TTC21A: variants seen among roughly 807,000 people sequenced by gnomAD.
TTC21A encodes tetratricopeptide repeat protein 21A.
TTC21A carries 128 observed loss-of-function variants against 156.4 expected under a neutral mutation model. That is an observed-to-expected ratio of 0.82 (90% CI 0.71 to 0.95). TTC21A has a LOEUF of 0.95. Among genes scored for constraint, TTC21A ranks in the 40% least tolerant of loss-of-function variants. The pLI is 0.00. For synonymous variants in TTC21A, 587 were observed against 617.1 expected (o/e 0.95, Z 0.72); for missense variants, 1,435 against 1,602.3 (o/e 0.90, Z 1.78).
Position 39,108,079 on chromosome 3 carries a change from A to G in TTC21A, c.27+215A>G, listed in dbSNP as rs144114965. ...AATTAGCATCCCCGTTTCTTGAGCT[A>G]CCCCAAACCAGCTCATCCAATCACT... On this transcript the variant is annotated intron_variant, in intron 1 of 28. Transcript: ENST00000683103. 1.9e-4 allele frequency: 114 copies of G among 596,924 alleles called. No individual in the cohort carries two copies. In the African/African-American group the frequency reaches 2.0e-3, roughly 10 times the overall value. 37.0% of individuals were successfully genotyped at this position (596,924 alleles called of 1,614,324 possible).
intron 11 of TTC21A, among the ~76,000 whole-genome samples, chr3:39,125,743 A>C (rs1453344163): frequency 6.6e-6 from 1 of 152,174 alleles, no homozygotes; most frequent in African/African-American, 2.4e-5. Context: ...CTGACTCTAC[A>C]GGGGGGTCTA....
In TTC21A at chr3:39,137,477, G is replaced by C. The variant is rs1405468165; in HGVS notation, c.3451-9G>C. 3.7e-6 allele frequency: 6 copies of C among 1,613,924 alleles called. No homozygotes were observed. In the Middle Eastern group the frequency reaches 8.2e-4, roughly 222 times the overall value. On this transcript the variant is annotated splice_polypyrimidine_tract_variant and intron_variant, in intron 25 of 28. Coordinates refer to ENST00000683103, the MANE Select transcript of TTC21A (RefSeq NM_001366900.1). ...ACGTGCTGACGTCCACTTCCTACCTGGTGTGTAGAAGGACAGCGTCCCTGC... is the reference window on the plus strand; with the variant it reads ...ACGTGCTGACGTCCACTTCCTACCTCGTGTGTAGAAGGACAGCGTCCCTGC...
At position 39,130,491 on chromosome 3, in the gene TTC21A, G is replaced by T. The variant is rs1436539835; in HGVS notation, c.2319+133G>T. 1 of 925,466 alleles carries T rather than the reference G, an allele frequency of 1.1e-6. No individual in the cohort carries two copies. The highest frequency in any genetic ancestry group is 1.7e-5 in the African/African-American group (1 of 60,324). The allele number at this position is 925,466 out of a possible 1,614,324, so 57.3% of individuals were successfully genotyped here. A position where few individuals can be genotyped will look rare whatever the true frequency, so the allele number is the denominator to read the frequency against. On this transcript the variant is annotated intron_variant, in intron 17 of 28. Coordinates refer to ENST00000683103, the MANE Select transcript of TTC21A (RefSeq NM_001366900.1). The surrounding 1 kb of genome is among the most constrained non-coding windows in gnomAD (Gnocchi z 4.5). ...TTCACTCAGCTCCTTGCTGAATGGG[G>T]TGCCAAGGGGAGAACTCAGCAACTC...
At position 39,137,555 on chromosome 3, in the gene TTC21A, C is replaced by G; in HGVS notation, c.3520C>G (p.Arg1174Gly). 1 of 1,614,230 alleles carries G rather than the reference C, an allele frequency of 6.2e-7. No individual in the cohort carries two copies. Among genetic ancestry groups the G allele is most frequent in the Non-Finnish European group, 8.5e-7 (1 of 1,180,042 alleles). The change falls in exon 26 of 29, where the codon CGT becomes GGT. Residue 1174 changes from arginine to glycine, a missense_variant. By Grantham distance (125) the Arg-to-Gly change is moderately radical. Transcript: ENST00000683103. ...YVFLKQIPKA[R>G]MQLKRLAKTP... ...GTTCCTGAAGCAGATCCCCAAGGCG[C>G]GTATGCAGTTGAAGCGCCTGGCCAA...
chr3:39,136,533 G>A (rs1399543332), intron 23 of TTC21A, 26 bp downstream of exon 23: 1 of 1,609,604 alleles, frequency 6.2e-7, no homozygotes, highest in Admixed American at 1.7e-5. Context: ...TGTGTTGAGG[G>A]GCAGCTGTGT....
chr3:39,136,750 G>C, intron 23 of TTC21A, 149 bp from the exon 24 acceptor site: 1 of 1,113,084 alleles, frequency 9.0e-7, no homozygotes, highest in Non-Finnish European at 1.3e-6. Flanking sequence ...CCAACACACA[G>C]GTCCGACGCC....
intron 7 of TTC21A, chr3:39,118,621 C>T (rs72859600): frequency 0.025 from 4,018 of 163,884 alleles, 173 homozygotes; most frequent in African/African-American, 0.088. Flanking sequence ...TGGAACTGCT[C>T]AGGCATTGGC....
intron 22 of TTC21A, chr3:39,136,125 C>A: frequency 2.5e-6 from 1 of 400,420 alleles, no homozygotes; most frequent in Non-Finnish European, 4.4e-6. Flanking sequence ...GCACTTAATA[C>A]CAGGTACAAT....
intron 7 of TTC21A, chr3:39,118,422 C>CA (rs2037473200): frequency 1.9e-6 from 1 of 534,524 alleles, no homozygotes; most frequent in South Asian, 2.6e-5. Flanking sequence ...CAGGTGTCCC[C>CA]ACCTGGATAA....
intron 3 of TTC21A, 89 bp downstream of exon 3, chr3:39,110,228 A>C: frequency 1.0e-6 from 1 of 971,668 alleles, no homozygotes; most frequent in Non-Finnish European, 1.6e-6. Context: ...AGGGCTGCCA[A>C]AGGAGGTATG....
At chr3:39,113,068 T>C (rs1189856170) in intron 5 of TTC21A, among the ~76,000 whole-genome samples, 2 of 152,142 alleles carry the variant, frequency 1.3e-5, no homozygotes, top group African/African-American at 4.8e-5. Flanking sequence ...GAATTAATCT[T>C]TGAGAGAAAA....
At chr3:39,138,003 G>T (rs2039263979) in intron 26 of TTC21A, among the ~76,000 whole-genome samples, 1 of 152,178 alleles carries the variant, frequency 6.6e-6, no homozygotes, top group Non-Finnish European at 1.5e-5. Context: ...ACTTTTGCAG[G>T]TCAGAGCAGG....
At position 39,130,453 on chromosome 3, in the gene TTC21A, G is replaced by C; in HGVS notation, c.2319+95G>C. 1 of 1,105,266 alleles carries C rather than the reference G, an allele frequency of 9.0e-7. No homozygotes were observed. Among genetic ancestry groups the C allele is most frequent in the Non-Finnish European group, 1.3e-6 (1 of 774,772 alleles). The allele number at this position is 1,105,266 out of a possible 1,614,324, so 68.5% of individuals were successfully genotyped here. A position where few individuals can be genotyped will look rare whatever the true frequency, so the allele number is the denominator to read the frequency against. On this transcript the variant is annotated intron_variant, in intron 17 of 28. Transcript: ENST00000683103. This position sits in a 1 kb window ranked among gnomAD's most constrained non-coding sequence, Gnocchi z 4.5. ...GACTGGGGAGCTCTGGGTGGGAGGA[G>C]AGTGGCTGACTTTTCACTCAGCTCC... is the stretch of plus-strand genomic sequence containing the variant.
chr3:39,128,305 T>C (rs749553833), intron 12 of TTC21A, 26 bp from the exon 13 acceptor site: 3 of 1,611,752 alleles, frequency 1.9e-6, no homozygotes, highest in East Asian at 2.2e-5. Context: ...GAACCCTGCA[T>C]GTAGAGGTTT....
Position 39,137,484 on chromosome 3 carries a change from A to G in TTC21A, c.3451-2A>G. 6.2e-7 allele frequency: 1 copy of G among 1,614,136 alleles called. No homozygotes were observed. The highest frequency in any genetic ancestry group is 2.2e-5 in the East Asian group (1 of 44,878). ...GACGTCCACTTCCTACCTGGTGTGT[A>G]GAAGGACAGCGTCCCTGCCCTGCTG... On this transcript the variant is annotated splice_acceptor_variant, in intron 25 of 28. Coordinates refer to ENST00000683103, the MANE Select transcript of TTC21A (RefSeq NM_001366900.1). LOFTEE classifies it high-confidence loss of function.
At chr3:39,133,603 G>A (rs186226831) in intron 20 of TTC21A, among the ~76,000 whole-genome samples, 2 of 152,328 alleles carry the variant, frequency 1.3e-5, no homozygotes, top group Admixed American at 6.5e-5. Flanking sequence ...AGTGCAGGCT[G>A]AGCTTCCAAG....
At chr3:39,135,874 G>A (rs1426137007) in intron 22 of TTC21A, among the ~76,000 whole-genome samples, 1 of 152,012 alleles carries the variant, frequency 6.6e-6, no homozygotes, top group Non-Finnish European at 1.5e-5. Context: ...GCTACACGGT[G>A]AAACCCTGTC....
At chr3:39,135,019 A>ACCC in intron 21 of TTC21A, 74 bp from the exon 22 acceptor site, 1 of 1,258,914 alleles carries the variant, frequency 7.9e-7, no homozygotes, top group Non-Finnish European at 1.2e-6. Context: ...TCACCCCCAT[A>ACCC]CCCCCCGCCT....
At chr3:39,127,223 C>T (rs780893144) in intron 12 of TTC21A, among the ~76,000 whole-genome samples, 1 of 152,192 alleles carries the variant, frequency 6.6e-6, no homozygotes, top group African/African-American at 2.4e-5. Flanking sequence ...TCACCCAATC[C>T]TGCCTGCCTG....
Sources: allele counts gnomAD v4.1 joint callset (sites outside exome capture counted in the v4.1 genomes callset), GRCh38; gene constraint gnomAD v4.1.1; non-coding constraint Gnocchi (gnomAD v3.1); transcripts MANE v1.5; gene names NCBI Gene and HGNC (gene_info 2026-07-23, HGNC 2026-07-21).